HBS1L: variants seen among roughly 807,000 people sequenced by gnomAD.
The protein encoded by HBS1L is HBS1-like protein.
HBS1L carries 55 observed loss-of-function variants against 88.9 expected under a neutral mutation model. That is an observed-to-expected ratio of 0.62 (90% CI 0.50 to 0.77). The LOEUF (loss-of-function observed/expected upper bound fraction) is 0.77, where lower values mean the gene tolerates loss of function less well. Among genes scored for constraint, HBS1L ranks in the 30% least tolerant of loss-of-function variants. HBS1L has a pLI of 0.00. For synonymous variants in HBS1L, 267 were observed against 288.5 expected, an observed-to-expected ratio of 0.93 and a Z score of 0.76; for missense variants, 741 against 829.3, an observed-to-expected ratio of 0.89 and a Z score of 1.31.
At chr6:134,978,412 C>T (rs1029036110) in intron 15 of HBS1L, among the ~76,000 whole-genome samples, 11 of 151,530 alleles carry the variant, frequency 7.3e-5, no homozygotes, top group Non-Finnish European at 2.9e-5. Context: ...ATCATTTTTC[C>T]CTGGATAAAT....
chr6:134,988,143 C>A (rs1000766681), intron 8 of HBS1L, among the ~76,000 whole-genome samples: 2 of 152,122 alleles, frequency 1.3e-5, no homozygotes, highest in Non-Finnish European at 2.9e-5. Context: ...GCAGGCAGAT[C>A]ACCTGAGGTC....
intron 4 of HBS1L, among the ~76,000 whole-genome samples, chr6:135,013,457 A>G (rs1775828869): frequency 6.6e-6 from 1 of 152,240 alleles, no homozygotes; most frequent in Non-Finnish European, 1.5e-5. Context: ...GTGGTGAGAC[A>G]TAAGATTAGA....
intron 2 of HBS1L, among the ~76,000 whole-genome samples, chr6:135,044,878 C>T (rs1366065019): frequency 6.6e-6 from 1 of 152,150 alleles, no homozygotes; most frequent in Non-Finnish European, 1.5e-5. Context: ...TCAGGAAATA[C>T]TGACAGGGAA....
intron 15 of HBS1L, among the ~76,000 whole-genome samples, chr6:134,970,124 TG>T (rs1562272521): frequency 6.6e-6 from 1 of 152,140 alleles, no homozygotes; most frequent in East Asian, 1.9e-4. Flanking sequence ...GTGTGAACTT[TG>T]GGGCAAGTTA....
At chr6:134,972,667 T>G (rs767139284) in intron 15 of HBS1L, among the ~76,000 whole-genome samples, 1 of 152,132 alleles carries the variant, frequency 6.6e-6, no homozygotes, top group Admixed American at 6.6e-5. Flanking sequence ...GCCTAGAGAA[T>G]AGGAGAAAAT....
At chr6:135,024,475 ATGATGT>A (rs1776168766) in intron 4 of HBS1L, among the ~76,000 whole-genome samples, 1 of 149,216 alleles carries the variant, frequency 6.7e-6, no homozygotes, top group Admixed American at 6.7e-5. Flanking sequence ...CAAAACAAGA[ATGATGT>A]ATGAATTTTA....
chr6:135,044,000 T>C (rs1020369771), intron 2 of HBS1L, among the ~76,000 whole-genome samples: 8 of 152,192 alleles, frequency 5.3e-5, no homozygotes, highest in African/African-American at 1.7e-4. Context: ...GATAATTGTA[T>C]TGTAATGCCA....
chr6:135,001,805 T>C (rs1271449727), intron 5 of HBS1L, among the ~76,000 whole-genome samples: 2 of 151,882 alleles, frequency 1.3e-5, no homozygotes, highest in African/African-American at 4.8e-5. Context: ...AATCCAAAAA[T>C]TGAACTAGGT....
At chr6:135,050,731 T>A in intron 1 of HBS1L, 84 bp from the exon 2 acceptor site, 2 of 817,418 alleles carry the variant, frequency 2.4e-6, no homozygotes, top group Non-Finnish European at 2.0e-6. Flanking sequence ...CTGAATCCTC[T>A]CCAAAATAAA....
intron 15 of HBS1L, among the ~76,000 whole-genome samples, chr6:134,973,691 C>T (rs555984878): frequency 9.2e-5 from 14 of 152,144 alleles, no homozygotes; most frequent in Admixed American, 9.2e-4. Flanking sequence ...GTAGTGCACA[C>T]CTGTAGTCCC....
chr6:134,984,824 C>T (rs1250988401), intron 12 of HBS1L, among the ~76,000 whole-genome samples: 1 of 152,062 alleles, frequency 6.6e-6, no homozygotes, highest in African/African-American at 2.4e-5. Context: ...CTTTTAGTTG[C>T]ATTTTTATCA....
chr6:134,996,834 C>A lies in HBS1L; in HGVS notation c.908G>T (p.Gly303Val). The part of the protein sequence containing the change: ...HKYEQESKKA[G>V]KASFAYAWVL... Reference sequence around the variant, plus strand: ...CCATGCATATGCAAACGAAGCTTTGCCAGCCTTTTTAGACTCCTGTTCATA... The same window carrying A: ...CCATGCATATGCAAACGAAGCTTTGACAGCCTTTTTAGACTCCTGTTCATA... The change falls in exon 7 of 18, where the codon GGC (glycine) becomes GTC (valine). Residue 303 changes from glycine to valine, a missense_variant. Gly to Val is a moderately radical substitution (Grantham distance 109). Around this residue, in one of 3 missense-constraint regions of HBS1L, gnomAD observed 556 missense variants for 598.4 expected, o/e 0.93. Transcript: ENST00000367837. 2 of 1,611,696 alleles carry A rather than the reference C, an allele frequency of 1.2e-6. No homozygotes were observed. The highest frequency in any genetic ancestry group is 8.5e-7 in the Non-Finnish European group (1 of 1,179,050).
At chr6:134,970,288 G>A (rs553516952) in intron 15 of HBS1L, among the ~76,000 whole-genome samples, 7 of 152,164 alleles carry the variant, frequency 4.6e-5, no homozygotes, top group South Asian at 2.1e-4. Context: ...GCACACCACC[G>A]TGCCCAGCTA....
At chr6:134,973,680 G>A (rs1355929370) in intron 15 of HBS1L, among the ~76,000 whole-genome samples, 2 of 152,138 alleles carry the variant, frequency 1.3e-5, no homozygotes, top group African/African-American at 2.4e-5. Flanking sequence ...AGCCAGGCGT[G>A]GTAGTGCACA....
At chr6:135,049,216 T>G (rs531058058) in intron 2 of HBS1L, among the ~76,000 whole-genome samples, 1 of 152,304 alleles carries the variant, frequency 6.6e-6, no homozygotes, top group East Asian at 1.9e-4. Context: ...GAACACCCGC[T>G]TTCTGGCTCA....
At chr6:135,044,673 A>G (rs1386539525) in intron 2 of HBS1L, among the ~76,000 whole-genome samples, 3 of 152,170 alleles carry the variant, frequency 2.0e-5, no homozygotes, top group African/African-American at 7.2e-5. Context: ...GATTTAATAA[A>G]ATGTGGCATA....
In HBS1L at chr6:134,982,269, C is replaced by A. The variant is rs1774851138; in HGVS notation, c.1597+189G>T. The A allele has an allele frequency of 1.6e-5, 9 of 554,280 alleles. No homozygotes were observed. The South Asian group carries it at 2.0e-4, about 12-fold the overall frequency. 34.3% of individuals were successfully genotyped at this position (554,280 alleles called of 1,614,324 possible). On this transcript the variant is annotated intron_variant, in intron 13 of 17. Coordinates refer to ENST00000367837, the MANE Select transcript of HBS1L (RefSeq NM_006620.4). ...ATGTTTATGTACATATATATACAGA[C>A]ACAATCACAACAGAAAAAAATCGTT...
intron 4 of HBS1L, chr6:135,036,994 G>C (rs755587128): frequency 7.7e-6 from 12 of 1,551,158 alleles, no homozygotes; most frequent in South Asian, 2.4e-5. Flanking sequence ...ATCAATATTT[G>C]AATCTATTCC....
At chr6:134,973,414 G>A (rs2114754157) in intron 15 of HBS1L, among the ~76,000 whole-genome samples, 1 of 152,358 alleles carries the variant, frequency 6.6e-6, no homozygotes, top group African/African-American at 2.4e-5. Context: ...GAGAAAGTAA[G>A]TAGAAGAATG....
Sources: allele counts gnomAD v4.1 joint callset (sites outside exome capture counted in the v4.1 genomes callset), GRCh38; gene constraint gnomAD v4.1.1; regional missense constraint gnomAD v4.1.1; transcripts MANE v1.5; gene names NCBI Gene and HGNC (gene_info 2026-07-23, HGNC 2026-07-21).